Variants in CHRND observed in about 807,000 individuals in gnomAD.
The protein encoded by CHRND is acetylcholine receptor subunit delta.
A neutral mutation model predicts 57.8 loss-of-function variants in CHRND; 40 were observed. The ratio of observed to expected loss-of-function variants is 0.69; its 90% CI spans 0.54 to 0.90. CHRND has a LOEUF of 0.90. CHRND is among the 40% of genes least tolerant of loss of function. The pLI is 0.00. For missense variants in CHRND, 634 were observed against 673.9 expected (o/e 0.94, Z 0.66); for synonymous variants, 237 against 270.6 (o/e 0.88, Z 1.22).
chr2:232,530,284 C>T, intron 7 of CHRND, 145 bp downstream of exon 7: 1 of 835,008 alleles, frequency 1.2e-6, no homozygotes, highest in Non-Finnish European at 2.0e-6. Context: ...GGTGTGAGGG[C>T]CAGGTGGCCA....
In CHRND at chr2:232,535,135, A is replaced by C; in HGVS notation, c.1377A>C (p.Lys459Asn). 1 of 1,614,092 alleles carries C rather than the reference A, an allele frequency of 6.2e-7. No homozygotes were observed. The change falls in exon 12 of 12, where the codon AAA becomes AAC. Residue 459 changes from lysine to asparagine, a missense_variant. By Grantham distance (94) the Lys-to-Asn change is moderately conservative (BLOSUM62 0). Coordinates refer to ENST00000258385, the MANE Select transcript of CHRND (RefSeq NM_000751.3). The stretch of plus-strand genomic sequence containing the variant: ...CTCTCTGCCCCTACCCACAGGAGAA[A>C]GACAGCTGGAACCGAGTGGCCCGCA... ...MRDQNNYNEE[K>N]DSWNRVARTV...
In CHRND at chr2:232,535,235, G is replaced by C. The variant is rs567130034; in HGVS notation, c.1477G>C (p.Val493Leu). The C allele has an allele frequency of 1.2e-6, 2 of 1,614,230 alleles. No homozygotes were observed. The highest frequency in any genetic ancestry group is 1.7e-6 in the Non-Finnish European group (2 of 1,180,052). ...VGTAWIFLQG[V>L]YNQPPPQPFP... ...CACAGCCTGGATCTTCCTGCAGGGC[G>C]TTTACAACCAGCCACCACCCCAGCC... Residue 493 changes from valine (V) to leucine (L), a missense_variant, in exon 12 of 12, where the codon GTT becomes CTT. Physicochemically the swap from Val to Leu is conservative, Grantham distance 32. Coordinates refer to ENST00000258385, the MANE Select transcript of CHRND (RefSeq NM_000751.3).
In CHRND at chr2:232,535,974, G is replaced by T. The variant is rs1290346113; in HGVS notation, c.*662G>T. 2.2e-6 allele frequency: 1 copy of T among 454,002 alleles called. No individual in the cohort carries two copies. The highest frequency in any genetic ancestry group is 4.4e-6 in the Non-Finnish European group (1 of 226,806). 28.1% of individuals were successfully genotyped at this position (454,002 alleles called of 1,614,324 possible). A position where few individuals can be genotyped will look rare whatever the true frequency, so the allele number is the denominator to read the frequency against. Reference sequence around the variant, plus strand: ...AGAACGCAGCACCTCTCCCCAAAGGGTCCCTGCCCCCCAGCACCTACTCCT... The same window carrying T: ...AGAACGCAGCACCTCTCCCCAAAGGTTCCCTGCCCCCCAGCACCTACTCCT... On this transcript the variant is annotated 3_prime_UTR_variant, in exon 12 of 12. Transcript: ENST00000258385.
chr2:232,528,040 A>G (rs1691545907), intron 3 of CHRND, among the ~76,000 whole-genome samples: 1 of 152,186 alleles, frequency 6.6e-6, no homozygotes, highest in Non-Finnish European at 1.5e-5. Context: ...TACAGACACA[A>G]ATCGTCTATG....
At chr2:232,534,438 A>G (rs1559298757) in intron 11 of CHRND, 96 bp downstream of exon 11, 12 of 1,222,240 alleles carry the variant, frequency 9.8e-6, no homozygotes, top group East Asian at 2.3e-5. Flanking sequence ...TTAGAGGCAC[A>G]CACCAACTTA....
At chr2:232,526,421 TC>T (rs1201724886) in intron 1 of CHRND, 107 bp from the exon 2 acceptor site, 5 of 1,572,002 alleles carry the variant, frequency 3.2e-6, no homozygotes, top group East Asian at 4.5e-5. Context: ...GTGGTTGGGT[TC>T]CCCCCTGCTC....
chr2:232,532,614 G>A (rs1192912397), intron 9 of CHRND, among the ~76,000 whole-genome samples: 3 of 152,180 alleles, frequency 2.0e-5, no homozygotes, highest in Non-Finnish European at 4.4e-5. Context: ...AGCCCTGCAC[G>A]TGTGAACCTC....
Position 232,534,277 on chromosome 2 carries a change from A to C in CHRND, c.1306A>C (p.Lys436Gln). 1 of 1,614,202 alleles carries C rather than the reference A, an allele frequency of 6.2e-7. No individual in the cohort carries two copies. Among genetic ancestry groups the C allele is most frequent in the Non-Finnish European group, 8.5e-7 (1 of 1,180,028 alleles). The change falls in exon 11 of 12, where the codon AAG (lysine) becomes CAG (glutamine). Residue 436 changes from lysine (K) to glutamine (Q), a missense_variant. Coordinates refer to ENST00000258385, the MANE Select transcript of CHRND (RefSeq NM_000751.3). ...CCAGCAGGAACTCTTCAATGAGCTGAAGCCAGCTGTGGATGGGGCAAACTT... is the reference window on the plus strand; with the variant it reads ...CCAGCAGGAACTCTTCAATGAGCTGCAGCCAGCTGTGGATGGGGCAAACTT... ...QAQQELFNELKPAVDGANFIV... is the reference protein window; with the variant it reads ...QAQQELFNELQPAVDGANFIV...
Position 232,535,258 on chromosome 2 carries a change from G to A in CHRND, c.1500G>A (p.Gln500=). 6.2e-7 allele frequency: 1 copy of A among 1,614,186 alleles called. No individual in the cohort carries two copies. Among genetic ancestry groups the A allele is most frequent in the Non-Finnish European group, 8.5e-7 (1 of 1,180,042 alleles). Residue 500 remains glutamine, a synonymous_variant, in exon 12 of 12, where the codon CAG becomes CAA. Coordinates refer to ENST00000258385, the MANE Select transcript of CHRND (RefSeq NM_000751.3). ...LQGVYNQPPP[Q]PFPGDPYSYN... is the part of the protein sequence containing the mutation. Reference sequence around the variant, plus strand: ...GCGTTTACAACCAGCCACCACCCCAGCCTTTTCCTGGGGACCCCTACTCCT... The same window carrying A: ...GCGTTTACAACCAGCCACCACCCCAACCTTTTCCTGGGGACCCCTACTCCT...
rs773247272 is a variant in CHRND at position 232,526,511 on chromosome 2, G to T, written c.53-18G>T. 3 of 1,613,312 alleles carry T rather than the reference G, an allele frequency of 1.9e-6. No individual in the cohort carries two copies. The highest frequency in any genetic ancestry group is 2.2e-5 in the East Asian group (1 of 44,888). On this transcript the variant is annotated intron_variant, in intron 1 of 11. Transcript: ENST00000258385. Reference sequence around the variant, plus strand: ...CTGCCCAGGGCCCCATTCAGTCCTTGTCGCTGACCCTCCCCAGGCAGCTGG... The same window carrying T: ...CTGCCCAGGGCCCCATTCAGTCCTTTTCGCTGACCCTCCCCAGGCAGCTGG...
Position 232,528,375 on chromosome 2 carries a change from G to A in CHRND, c.353+4G>A. On this transcript the variant is annotated splice_donor_region_variant and intron_variant, in intron 4 of 11. Coordinates refer to ENST00000258385, the MANE Select transcript of CHRND (RefSeq NM_000751.3). ...CAGAGATTGTGCTGGAGAACAAGTT[G>A]AGCCAAGCCCTCCCTGACCTCCCCT... 1 of 1,614,034 alleles carries A rather than the reference G, an allele frequency of 6.2e-7. No homozygotes were observed. The highest frequency in any genetic ancestry group is 8.5e-7 in the Non-Finnish European group (1 of 1,179,988).
At chr2:232,532,549 C>T (rs949272414) in intron 9 of CHRND, among the ~76,000 whole-genome samples, 4 of 151,044 alleles carry the variant, frequency 2.6e-5, no homozygotes, top group African/African-American at 7.3e-5. Flanking sequence ...AGACACTGGA[C>T]ATATACTCCC....
chr2:232,533,908 G>T, intron 9 of CHRND, 23 bp from the exon 10 acceptor site: 1 of 1,609,908 alleles, frequency 6.2e-7, no homozygotes, highest in African/African-American at 1.3e-5. Context: ...CGCCTTTCTT[G>T]TGGCCCCTTG....
chr2:232,530,323 C>T lies in CHRND; in HGVS notation c.820+184C>T, dbSNP rs137909740. Among the ~76,000 whole-genome samples, 776 of 152,278 alleles carry T rather than the reference C, an allele frequency of 5.1e-3. 8 individuals carry two copies. The highest frequency in any genetic ancestry group is 0.017 in the African/African-American group (718 of 41,566). ...AGAGGGAGGGCTGTATGATTCTGGG[C>T]AACATCCCCAAATGGACAGGGCAGG... On this transcript the variant is annotated intron_variant, in intron 7 of 11. Transcript: ENST00000258385.
chr2:232,534,707 A>G (rs1470383822), intron 11 of CHRND, among the ~76,000 whole-genome samples: 2 of 152,242 alleles, frequency 1.3e-5, no homozygotes, highest in Non-Finnish European at 2.9e-5. Context: ...ATGGTTATTC[A>G]ACATTATACA....
intron 11 of CHRND, 86 bp downstream of exon 11, chr2:232,534,428 T>A: frequency 1.5e-6 from 2 of 1,337,178 alleles, no homozygotes; most frequent in South Asian, 2.4e-5. Flanking sequence ...AGGGTTCCCC[T>A]TAGAGGCACA....
chr2:232,530,034 T>A lies in CHRND; in HGVS notation c.715T>A (p.Tyr239Asn). 1 of 1,614,066 alleles carries A rather than the reference T, an allele frequency of 6.2e-7. No individual in the cohort carries two copies. The highest frequency in any genetic ancestry group is 8.5e-7 in the Non-Finnish European group (1 of 1,180,018). The change falls in exon 7 of 12, where the codon TAC (tyrosine) becomes AAC (asparagine). Residue 239 changes from tyrosine (Y) to asparagine (N), a missense_variant. Physicochemically the swap from Tyr to Asn is moderately radical, Grantham distance 143. Coordinates refer to ENST00000258385, the MANE Select transcript of CHRND (RefSeq NM_000751.3). ...CCCCAGCCGCCAGGACATCACCTTC[T>A]ACCTCATCATCCGCCGCAAGCCCCT... ...DSPSRQDITF[Y>N]LIIRRKPLFY...
At position 232,535,333 on chromosome 2, in the gene CHRND, A is replaced by G; in HGVS notation, c.*21A>G. ...TCTAGGGTGGGCCTGTTGGGGAGCC[A>G]GGAGACAGCAGGGTCTGAGAGAGGA... On this transcript the variant is annotated 3_prime_UTR_variant, in exon 12 of 12. Coordinates refer to ENST00000258385, the MANE Select transcript of CHRND (RefSeq NM_000751.3). The G allele has an allele frequency of 6.2e-7, 1 of 1,610,554 alleles. No individual in the cohort carries two copies. The highest frequency in any genetic ancestry group is 8.5e-7 in the Non-Finnish European group (1 of 1,179,942).
At chr2:232,527,272 C>T (rs1224916742) in intron 2 of CHRND, 129 bp from the exon 3 acceptor site, 4 of 878,604 alleles carry the variant, frequency 4.6e-6, no homozygotes, top group Admixed American at 3.4e-5. Flanking sequence ...TGCCACTGCA[C>T]TCCATCCTGG....
Sources: allele counts gnomAD v4.1 joint callset (sites outside exome capture counted in the v4.1 genomes callset), GRCh38; gene constraint gnomAD v4.1.1; transcripts MANE v1.5; gene names NCBI Gene and HGNC (gene_info 2026-07-23, HGNC 2026-07-21).